Variants in DLGAP1 observed in about 807,000 individuals in gnomAD.
The protein encoded by DLGAP1 is DLG associated protein 1, also known as disks large-associated protein 1.
In DLGAP1, 11 loss-of-function variants were observed where a neutral mutation model predicts 90.8. The ratio of observed to expected loss-of-function variants is 0.12; its 90% CI spans 0.08 to 0.20. The LOEUF is 0.20. DLGAP1 is among the 10% of genes least tolerant of loss of function. The pLI is 1.00. For missense variants in DLGAP1, 1,050 were observed against 1,333.8 expected (o/e 0.79, Z 3.31); for synonymous variants, 558 against 540.7 (o/e 1.03, Z -0.44).
At chr18:3,920,581 C>T (rs968699983) in intron 3 of DLGAP1, among the ~76,000 whole-genome samples, 10 of 151,984 alleles carry the variant, frequency 6.6e-5, no homozygotes, top group African/African-American at 2.4e-4. Context: ...TCCCCAATAG[C>T]TAGGAGGTAA....
At chr18:4,093,831 T>A (rs1258289539) in intron 2 of DLGAP1, among the ~76,000 whole-genome samples, 1 of 152,184 alleles carries the variant, frequency 6.6e-6, no homozygotes, top group Non-Finnish European at 1.5e-5. Context: ...TCCTGTGGCT[T>A]CTGTGAAGCT....
chr18:3,756,379 A>G (rs1022115469), intron 5 of DLGAP1, among the ~76,000 whole-genome samples: 3 of 152,058 alleles, frequency 2.0e-5, no homozygotes, highest in Admixed American at 6.5e-5. Context: ...ACTGTAGGTC[A>G]AAGAGAAAGT....
Position 3,655,756 on chromosome 18 carries a change from G to T in DLGAP1, c.1591+73379C>A, listed in dbSNP as rs181935367. On this transcript the variant is annotated intron_variant, in intron 7 of 12. Coordinates refer to ENST00000315677, the MANE Select transcript of DLGAP1 (RefSeq NM_004746.4). ...CTCTGCTGAAAGATCCAGGGCAAAG[G>T]TTCCTGACAAGACTATGTCCAGCCT... 4.4e-5 allele frequency: 12 copies of T among 274,152 alleles called. No homozygotes were observed. In the Admixed American group the frequency reaches 5.3e-4, roughly 12 times the overall value. 17.0% of individuals were successfully genotyped at this position (274,152 alleles called of 1,614,324 possible). A position where few individuals can be genotyped will look rare whatever the true frequency, so the allele number is the denominator to read the frequency against.
At chr18:3,612,749 G>C (rs1330757837) in intron 7 of DLGAP1, among the ~76,000 whole-genome samples, 2 of 152,152 alleles carry the variant, frequency 1.3e-5, no homozygotes, top group Admixed American at 1.3e-4. Context: ...ACATTTTTTA[G>C]TTATTCTCAG....
chr18:3,846,371 A>G lies in DLGAP1; in HGVS notation c.958-32098T>C, dbSNP rs983492695. ...CATTTAATAAGAAATGATAAGGAAA[A>G]TTATAATTAAATGATTGGTTTGTTT... is the stretch of plus-strand genomic sequence containing the variant. On this transcript the variant is annotated intron_variant, in intron 4 of 12. Coordinates refer to ENST00000315677, the MANE Select transcript of DLGAP1 (RefSeq NM_004746.4). Among the ~76,000 whole-genome samples the G allele has an allele frequency of 5.3e-5, 8 of 152,348 alleles. 1 individual carries two copies. Among genetic ancestry groups the G allele is most frequent in the Admixed American group, 5.2e-4 (8 of 15,298 alleles).
At chr18:3,953,532 G>C (rs189599543) in intron 3 of DLGAP1, among the ~76,000 whole-genome samples, 18 of 151,780 alleles carry the variant, frequency 1.2e-4, no homozygotes, top group African/African-American at 3.9e-4. Flanking sequence ...TTTTATGGCT[G>C]AGTAGTATTC....
chr18:3,952,639 G>A (rs2073010767), intron 3 of DLGAP1, among the ~76,000 whole-genome samples: 1 of 152,206 alleles, frequency 6.6e-6, no homozygotes, highest in Admixed American at 6.5e-5. Flanking sequence ...TAAGTGGAGA[G>A]AAAAGGGTAA....
At chr18:3,562,867 C>T (rs1391935933) in intron 9 of DLGAP1, among the ~76,000 whole-genome samples, 3 of 151,978 alleles carry the variant, frequency 2.0e-5, no homozygotes, top group African/African-American at 4.8e-5. Flanking sequence ...CTCTCTCTGT[C>T]GCTGAGGCTG....
chr18:3,987,214 T>G (rs7228485), intron 3 of DLGAP1, among the ~76,000 whole-genome samples: 1 of 152,140 alleles, frequency 6.6e-6, no homozygotes, highest in African/African-American at 2.4e-5. Context: ...GGTTCCAAAG[T>G]TGCCTCAAGG....
intron 3 of DLGAP1, among the ~76,000 whole-genome samples, chr18:3,987,688 C>G (rs948510089): frequency 2.0e-5 from 3 of 152,100 alleles, no homozygotes; most frequent in African/African-American, 7.2e-5. Flanking sequence ...GCTAACATTC[C>G]TACAATGACT....
At chr18:4,290,355 CAG>C (rs1352303012) in intron 1 of DLGAP1, among the ~76,000 whole-genome samples, 1 of 152,132 alleles carries the variant, frequency 6.6e-6, no homozygotes, top group African/African-American at 2.4e-5. Flanking sequence ...GGGTGTAAAA[CAG>C]AGAATGGAAC....
At chr18:3,624,532 C>T (rs943080953) in intron 7 of DLGAP1, among the ~76,000 whole-genome samples, 5 of 152,184 alleles carry the variant, frequency 3.3e-5, no homozygotes, top group African/African-American at 1.2e-4. Context: ...CTCATTTCTG[C>T]CGCGTCATTT....
rs1008155373 is a variant in DLGAP1, at chr18:3,723,343, TG to T, written c.1591+5791del. Among the ~76,000 whole-genome samples, 12 of 152,330 alleles carry T rather than the reference TG, an allele frequency of 7.9e-5. No homozygotes were observed. The South Asian group carries it at 1.7e-3, about 21-fold the overall frequency. Reference sequence around the variant, plus strand: ...GATGATGTAGAAGTTTGTTTATAACTGCTAATATTTGATGACTCAGCTTGTT... The same window carrying T: ...GATGATGTAGAAGTTTGTTTATAACTCTAATATTTGATGACTCAGCTTGTT... On this transcript the variant is annotated intron_variant, in intron 7 of 12. Coordinates refer to ENST00000315677, the MANE Select transcript of DLGAP1 (RefSeq NM_004746.4).
At position 4,433,970 on chromosome 18, in the gene DLGAP1, C is replaced by A. The variant is rs1202208578; in HGVS notation, c.-267+21036G>T. On this transcript the variant is annotated intron_variant, in intron 1 of 12. Transcript: ENST00000315677. ...ACATCTGGTCACACACCCTACATTC[C>A]AGCCATCACAAATTCCTCATGGTAA... Among the ~76,000 whole-genome samples, 3 of 152,072 alleles carry A rather than the reference C, an allele frequency of 2.0e-5. No homozygotes were observed. The East Asian group carries it at 5.8e-4, about 30-fold the overall frequency.
chr18:3,796,700 C>A (rs2066006803), intron 5 of DLGAP1, among the ~76,000 whole-genome samples: 1 of 152,230 alleles, frequency 6.6e-6, no homozygotes, highest in South Asian at 2.1e-4. Context: ...GAGATGGAAA[C>A]TGTCGGATCC....
At chr18:3,760,402 G>A (rs1342542161) in intron 5 of DLGAP1, among the ~76,000 whole-genome samples, 1 of 152,224 alleles carries the variant, frequency 6.6e-6, no homozygotes, top group African/African-American at 2.4e-5. Context: ...CTAGAGTACA[G>A]TCAGGCCCAG....
At chr18:3,805,567 G>C (rs1034520949) in intron 5 of DLGAP1, among the ~76,000 whole-genome samples, 1 of 152,196 alleles carries the variant, frequency 6.6e-6, no homozygotes, top group African/African-American at 2.4e-5. Flanking sequence ...CTGATAGAAA[G>C]GGAAGTGTCA....
intron 2 of DLGAP1, among the ~76,000 whole-genome samples, chr18:4,008,266 C>T (rs1169551171): frequency 6.6e-6 from 1 of 151,822 alleles, no homozygotes; most frequent in African/African-American, 2.4e-5. Flanking sequence ...CACACATATA[C>T]ACCAAGTAAC....
intron 4 of DLGAP1, among the ~76,000 whole-genome samples, chr18:3,875,083 C>G (rs2070962902): frequency 6.6e-6 from 1 of 152,134 alleles, no homozygotes; most frequent in Admixed American, 6.5e-5. Context: ...TTGGTGATTA[C>G]TAATTTCATC....
Sources: gnomAD v4.1 joint callset for allele counts (sites outside exome capture counted in the v4.1 genomes callset) on GRCh38, gnomAD v4.1.1 for gene constraint, MANE v1.5 for transcripts, NCBI Gene and HGNC (gene_info 2026-07-23, HGNC 2026-07-21) for gene names.